The following RADIL variants were observed in gnomAD, a reference collection of about 807,000 sequenced individuals.
RADIL encodes the protein Rap associating with DIL domain.
RADIL carries 99 observed loss-of-function variants against 97.6 expected under a neutral mutation model. The ratio of observed to expected loss-of-function variants is 1.01; its 90% confidence interval spans 0.86 to 1.20. The LOEUF is 1.20. Among genes scored for constraint, RADIL ranks in the 50% most tolerant of loss-of-function variants. The pLI, the probability that RADIL is intolerant of heterozygous loss-of-function variation, is 0.00. For synonymous variants in RADIL, 803 were observed against 691.8 expected (o/e 1.16, Z -2.52); for missense variants, 1,765 against 1,498.9 (o/e 1.18, Z -2.93).
rs188250199 is a variant in RADIL at position 4,826,603 on chromosome 7, C to T, written c.1455-4049G>A. Among the ~76,000 whole-genome samples, 15 of 151,520 alleles carry T rather than the reference C, an allele frequency of 9.9e-5. No individual in the cohort carries two copies. In the East Asian group the frequency reaches 2.0e-3, roughly 20 times the overall value. ...CAAAAATTAGCCGGGCGTGGTGGCG[C>T]GTGCCTGTAATCCTAGCTACTCTGG... is the stretch of plus-strand genomic sequence containing the variant. On this transcript the variant is annotated intron_variant, in intron 5 of 14. Transcript: ENST00000399583.
intron 11 of RADIL, among the ~76,000 whole-genome samples, chr7:4,802,953 G>T (rs1272778079): frequency 2.8e-4 from 21 of 75,358 alleles, no homozygotes; most frequent in South Asian, 1.0e-3. Flanking sequence ...CTCGGGGCAC[G>T]CTGGCTGGGG....
chr7:4,828,390 G>A (rs1783054052), intron 5 of RADIL, among the ~76,000 whole-genome samples: 1 of 152,248 alleles, frequency 6.6e-6, no homozygotes, highest in Non-Finnish European at 1.5e-5. Context: ...CCCAGGAGGT[G>A]GAGGTTGCAG....
chr7:4,836,301 C>T, intron 3 of RADIL, 57 bp downstream of exon 3: 2 of 1,549,502 alleles, frequency 1.3e-6, no homozygotes, highest in Non-Finnish European at 1.7e-6. Context: ...ACTTCTGAGT[C>T]CCGCCTGCTG....
chr7:4,836,727 C>A, intron 2 of RADIL, 122 bp from the exon 3 acceptor site: 1 of 1,345,536 alleles, frequency 7.4e-7, no homozygotes, highest in Non-Finnish European at 1.0e-6. Flanking sequence ...CGCCTGAGGT[C>A]AGGAGCTCGA....
Position 4,799,751 on chromosome 7 carries a change from G to A in RADIL, c.3001C>T (p.Pro1001Ser). 3.2e-6 allele frequency: 5 copies of A among 1,545,414 alleles called. No individual in the cohort carries two copies. Among genetic ancestry groups the A allele is most frequent in the Non-Finnish European group, 8.7e-7 (1 of 1,150,702 alleles). Residue 1001 changes from proline (P) to serine (S), a missense_variant, in exon 14 of 15, where the codon CCC (proline) becomes TCC (serine). Transcript: ENST00000399583. ...AGCAGGGTCTGGATGTAGAGCCCGG[G>A]GGCGCCCAGGTGCGTGTGCTGGGGA... ...IDGMHTHLGA[P>S]GLYIQTLLPG...
chr7:4,853,977 G>A (rs1430224700), intron 2 of RADIL, among the ~76,000 whole-genome samples: 1 of 152,158 alleles, frequency 6.6e-6, no homozygotes, highest in Admixed American at 6.5e-5. Context: ...TGTGACTACG[G>A]TGCAGTCAGT....
rs553593736 is a variant in RADIL at position 4,826,005 on chromosome 7, G to T, written c.1455-3451C>A. Among the ~76,000 whole-genome samples the T allele has an allele frequency of 3.9e-5, 6 of 152,148 alleles. No homozygotes were observed. In the South Asian group the frequency reaches 8.3e-4, roughly 21 times the overall value. ...CATCTGCAATCCCAGCACTTTGGGA[G>T]GCTGAAGCTAGAGGATCACTTGAGT... is the stretch of plus-strand genomic sequence containing the variant. On this transcript the variant is annotated intron_variant, in intron 5 of 14. Transcript: ENST00000399583.
chr7:4,831,392 C>T (rs1379339390), intron 5 of RADIL, among the ~76,000 whole-genome samples: 1 of 151,754 alleles, frequency 6.6e-6, no homozygotes, highest in East Asian at 1.9e-4. Flanking sequence ...AGGGTGGAGG[C>T]TGGGAGGAGG....
At chr7:4,865,732 T>C in intron 2 of RADIL, 1 of 1,077,676 alleles carries the variant, frequency 9.3e-7, no homozygotes, top group Non-Finnish European at 1.4e-6. Context: ...GTGGGTGCAA[T>C]CAAGAGTGAA....
rs1784427348 is a variant in RADIL, at chr7:4,878,906, G to A, written c.-64-703C>T. Among the ~76,000 whole-genome samples the A allele has an allele frequency of 6.6e-6, 1 of 152,260 alleles. No homozygotes were observed. The highest frequency in any genetic ancestry group is 2.4e-5 in the African/African-American group (1 of 41,470). On this transcript the variant is annotated intron_variant, in intron 1 of 14. Coordinates refer to ENST00000399583, the MANE Select transcript of RADIL (RefSeq NM_018059.5). The surrounding 1 kb of genome is among the most constrained non-coding windows in gnomAD (Gnocchi z 4.1). Reference sequence around the variant, plus strand: ...CCTCGTGTCTCCTACCCCACAGGCTGCGACGTGGGAAATGGGTCACAAACA... The same window carrying A: ...CCTCGTGTCTCCTACCCCACAGGCTACGACGTGGGAAATGGGTCACAAACA...
chr7:4,857,045 T>C (rs1783850593), intron 2 of RADIL, among the ~76,000 whole-genome samples: 1 of 152,244 alleles, frequency 6.6e-6, no homozygotes, highest in South Asian at 2.1e-4. Flanking sequence ...CTTCTATTTT[T>C]ATCTGCTTGA....
intron 12 of RADIL, 74 bp downstream of exon 12, chr7:4,801,579 C>A: frequency 6.8e-7 from 1 of 1,474,104 alleles, no homozygotes; most frequent in East Asian, 2.5e-5. Context: ...GGGGAACGAT[C>A]CCAGGGGACC....
intron 2 of RADIL, among the ~76,000 whole-genome samples, chr7:4,839,376 T>C (rs927930660): frequency 2.0e-5 from 3 of 152,162 alleles, no homozygotes; most frequent in African/African-American, 7.2e-5. Flanking sequence ...TTTTTTTTAA[T>C]TCGCTGAGAA....
intron 2 of RADIL, among the ~76,000 whole-genome samples, chr7:4,848,065 A>G (rs934337964): frequency 6.6e-6 from 1 of 151,948 alleles, no homozygotes; most frequent in Admixed American, 6.6e-5. Flanking sequence ...GCATGGTGGC[A>G]CACATCTGTA....
rs1782182772 is a variant in RADIL, at chr7:4,803,418, C to G, written c.2499+128G>C. 92 of 789,496 alleles carry G rather than the reference C, an allele frequency of 1.2e-4. No individual in the cohort carries two copies. The South Asian group carries it at 1.8e-3, about 15-fold the overall frequency. 48.9% of individuals were successfully genotyped at this position (789,496 alleles called of 1,614,324 possible). On this transcript the variant is annotated intron_variant, in intron 11 of 14. Coordinates refer to ENST00000399583, the MANE Select transcript of RADIL (RefSeq NM_018059.5). The stretch of plus-strand genomic sequence containing the variant: ...CACCTCGGGGCACACTGGCTGGGCC[C>G]CCTCCCCGGGCACCTCGGGGCACGC...
chr7:4,837,910 C>T lies in RADIL; in HGVS notation c.536-1305G>A, dbSNP rs1188865385. 1 of 985,226 alleles carries T rather than the reference C, an allele frequency of 1.0e-6. No homozygotes were observed. Among genetic ancestry groups the T allele is most frequent in the African/African-American group, 1.7e-5 (1 of 57,226 alleles). The allele number at this position is 985,226 out of a possible 1,614,324, so 61.0% of individuals were successfully genotyped here. A position where few individuals can be genotyped will look rare whatever the true frequency, so the allele number is the denominator to read the frequency against. ...CGCAGCCTTTCAGGTTAAGATCCAT[C>T]CCCATCTGTGGCGGCCTTTCCTCCA... On this transcript the variant is annotated intron_variant, in intron 2 of 14. Transcript: ENST00000399583. The surrounding 1 kb of genome is among the most constrained non-coding windows in gnomAD (Gnocchi z 5.6).
rs1783282113 is a variant in RADIL, at chr7:4,835,797, G to A, written c.784-558C>T. Among the ~76,000 whole-genome samples the A allele has an allele frequency of 6.6e-6, 1 of 152,238 alleles. No individual in the cohort carries two copies. ...GGGTGAGCAGGGGGCGGGGAAAACAGTTGTCTGGCAGGGCAAGTGTCCGGC... is the reference window on the plus strand; with the variant it reads ...GGGTGAGCAGGGGGCGGGGAAAACAATTGTCTGGCAGGGCAAGTGTCCGGC... On this transcript the variant is annotated intron_variant, in intron 3 of 14. Transcript: ENST00000399583. This position sits in a 1 kb window ranked among gnomAD's most constrained non-coding sequence, Gnocchi z 5.8.
chr7:4,811,390 CT>C (rs1249414361), intron 9 of RADIL: 1 of 151,384 alleles, frequency 6.6e-6, no homozygotes, highest in Non-Finnish European at 1.5e-5. Flanking sequence ...TCGAGTTTTG[CT>C]GTCAAGGTAT....
rs17135214 is a variant in RADIL at position 4,843,999 on chromosome 7, G to A, written c.536-7394C>T. On this transcript the variant is annotated intron_variant, in intron 2 of 14. Transcript: ENST00000399583. ...TCATTTTGGGAACCAATTCTGCCATGAGGGAAACAATTCTAGGGAGAATAT... is the reference window on the plus strand; with the variant it reads ...TCATTTTGGGAACCAATTCTGCCATAAGGGAAACAATTCTAGGGAGAATAT... Among the ~76,000 whole-genome samples the A allele has an allele frequency of 4.8e-3, 729 of 151,708 alleles. 41 individuals carry two copies. In the East Asian group the frequency reaches 0.12, roughly 24 times the overall value.
Sources: gnomAD v4.1 joint callset for allele counts (sites outside exome capture counted in the v4.1 genomes callset) on GRCh38, gnomAD v4.1.1 for gene constraint, Gnocchi (gnomAD v3.1) non-coding constraint, MANE v1.5 for transcripts, NCBI Gene and HGNC (gene_info 2026-07-23, HGNC 2026-07-21) for gene names.